The following GNPAT variants were observed in gnomAD, a reference collection of about 807,000 sequenced individuals.
The protein encoded by GNPAT is glyceronephosphate O-acyltransferase, also known as dihydroxyacetone phosphate acyltransferase.
GNPAT carries 30 observed loss-of-function variants against 78.4 expected under a neutral mutation model. That is an observed-to-expected ratio of 0.38 (90% CI 0.29 to 0.52). GNPAT has a LOEUF of 0.52. Ranked by LOEUF, GNPAT falls within the 20% of genes least tolerant of loss-of-function variation. The probability of loss-of-function intolerance (pLI) is 0.84; values close to 1 mark genes in which losing one functional copy is unlikely to be tolerated. For synonymous variants in GNPAT, 271 were observed against 281.1 expected, an observed-to-expected ratio of 0.96 and a Z score of 0.36; for missense variants, 714 against 812.2, an observed-to-expected ratio of 0.88 and a Z score of 1.47.
At position 231,277,645 on chromosome 1, in the gene GNPAT, C is replaced by T; in HGVS notation, c.*103C>T. On this transcript the variant is annotated 3_prime_UTR_variant, in exon 16 of 16. Transcript: ENST00000366647. ...AAAGGAAGAGACACATCCTCTCATA[C>T]TCCCTGAGACTCTGAGAACAGTGGA... The T allele has an allele frequency of 1.3e-6, 1 of 770,820 alleles. No individual in the cohort carries two copies. Among genetic ancestry groups the T allele is most frequent in the Non-Finnish European group, 2.4e-6 (1 of 420,196 alleles). 47.7% of individuals were successfully genotyped at this position (770,820 alleles called of 1,614,324 possible). A position where few individuals can be genotyped will look rare whatever the true frequency, so the allele number is the denominator to read the frequency against.
chr1:231,266,001 C>A lies in GNPAT; in HGVS notation c.773-13C>A. 1 of 1,609,678 alleles carries A rather than the reference C, an allele frequency of 6.2e-7. No homozygotes were observed. Among genetic ancestry groups the A allele is most frequent in the South Asian group, 1.1e-5 (1 of 90,922 alleles). On this transcript the variant is annotated splice_polypyrimidine_tract_variant and intron_variant, in intron 6 of 15. Coordinates refer to ENST00000366647, the MANE Select transcript of GNPAT (RefSeq NM_014236.4). The stretch of plus-strand genomic sequence containing the variant: ...CAATATGTTGATGAAGCATTTCTCC[C>A]TGTGTTTTGCAGGTCTTCTGAATAT...
chr1:231,270,659 G>T, intron 9 of GNPAT, 99 bp from the exon 10 acceptor site: 1 of 1,150,622 alleles, frequency 8.7e-7, no homozygotes, highest in South Asian at 1.2e-5. Flanking sequence ...ACTTGAAAAT[G>T]AGCATCTGTC....
chr1:231,263,582 T>C (rs1263629407), intron 4 of GNPAT, among the ~76,000 whole-genome samples: 1 of 152,218 alleles, frequency 6.6e-6, no homozygotes, highest in East Asian at 1.9e-4. Flanking sequence ...GACCCTGCTT[T>C]CCATTTTTTT....
chr1:231,263,654 T>C (rs980777609), intron 4 of GNPAT, among the ~76,000 whole-genome samples: 2 of 152,184 alleles, frequency 1.3e-5, no homozygotes, highest in Non-Finnish European at 2.9e-5. Flanking sequence ...TTTTTCATTT[T>C]TTGAGGAACC....
Position 231,262,759 on chromosome 1 carries a change from C to A in GNPAT, c.475C>A (p.Leu159Met). 1 of 1,607,328 alleles carries A rather than the reference C, an allele frequency of 6.2e-7. No homozygotes were observed. Among genetic ancestry groups the A allele is most frequent in the Non-Finnish European group, 8.5e-7 (1 of 1,173,822 alleles). Residue 159 changes from leucine to methionine, a missense_variant, in exon 4 of 16, where the codon CTG becomes ATG. Physicochemically the swap from Leu to Met is conservative, Grantham distance 15. Coordinates refer to ENST00000366647, the MANE Select transcript of GNPAT (RefSeq NM_014236.4). ...RAIQEHPVVL[L>M]PSHRSYIDFL... Reference sequence around the variant, plus strand: ...CATCCAGGAGCATCCTGTTGTTCTGCTGCCTAGTCATCGAAGTTACATTGA... The same window carrying A: ...CATCCAGGAGCATCCTGTTGTTCTGATGCCTAGTCATCGAAGTTACATTGA...
intron 11 of GNPAT, 111 bp from the exon 12 acceptor site, chr1:231,273,811 A>G: frequency 1.2e-6 from 1 of 828,490 alleles, no homozygotes; most frequent in Non-Finnish European, 2.1e-6. Context: ...GTGGCTGCAT[A>G]TATTCAGATA....
intron 2 of GNPAT, among the ~76,000 whole-genome samples, chr1:231,259,036 C>G (rs1402263224): frequency 6.6e-6 from 1 of 152,154 alleles, no homozygotes; most frequent in Non-Finnish European, 1.5e-5. Flanking sequence ...TAATTCATAT[C>G]ATCCCTTTAC....
At chr1:231,263,314 A>G (rs917545529) in intron 4 of GNPAT, among the ~76,000 whole-genome samples, 1 of 152,132 alleles carries the variant, frequency 6.6e-6, no homozygotes, top group East Asian at 1.9e-4. Context: ...CCATCTCCAG[A>G]ACTCTTCATC....
intron 1 of GNPAT, among the ~76,000 whole-genome samples, chr1:231,249,441 C>T (rs1684833292): frequency 6.6e-6 from 1 of 152,124 alleles, no homozygotes; most frequent in Non-Finnish European, 1.5e-5. Context: ...CTTCTATTAC[C>T]TCAACATTTC....
chr1:231,272,965 A>G (rs111893858), intron 11 of GNPAT, among the ~76,000 whole-genome samples: 1,768 of 151,782 alleles, frequency 0.012, 41 homozygotes, highest in African/African-American at 0.041. Context: ...CAAGAGGAAG[A>G]CTCCATCTCA....
chr1:231,269,598 C>T (rs116362142), intron 9 of GNPAT, among the ~76,000 whole-genome samples: 1,988 of 152,236 alleles, frequency 0.013, 30 homozygotes, highest in African/African-American at 0.045. Flanking sequence ...GACACCTGTT[C>T]TCAGTGCTGT....
At position 231,256,479 on chromosome 1, in the gene GNPAT, C is replaced by CTTTTTTT. The variant is rs10693276; in HGVS notation, c.262-4009_262-4003dup. The stretch of plus-strand genomic sequence containing the variant: ...CAGTCACTAAGACTGCTAATTTTCT[C>CTTTTTTT]TTTTTTTTTTTTTTTTTTTTTTTTT... On this transcript the variant is annotated intron_variant, in intron 2 of 15. Transcript: ENST00000366647. Among the ~76,000 whole-genome samples, 115 of 75,900 alleles carry CTTTTTTT rather than the reference C, an allele frequency of 1.5e-3. 8 individuals carry two copies. Among genetic ancestry groups the CTTTTTTT allele is most frequent in the Non-Finnish European group, 1.7e-3 (74 of 43,434 alleles). 49.8% of individuals were successfully genotyped at this position (75,900 alleles called of 152,430 possible). A position where few individuals can be genotyped will look rare whatever the true frequency, so the allele number is the denominator to read the frequency against.
At chr1:231,258,621 A>ATTTT (rs1278102321) in intron 2 of GNPAT, among the ~76,000 whole-genome samples, 2 of 90,090 alleles carry the variant, frequency 2.2e-5, no homozygotes, top group Admixed American at 1.2e-4. Flanking sequence ...ATTTTAATGC[A>ATTTT]ATTTTTTTTT....
chr1:231,276,173 C>CAACCAAATT lies in GNPAT; in HGVS notation c.1978_1986dup (p.Thr660_Leu662dup), dbSNP rs768397455. ...ATATTTAATGTGAATGAACCTGCCA[C>CAACCAAATT]AACCAAATTAGAAGAAATGCTTGGT... is the stretch of plus-strand genomic sequence containing the variant. On this transcript the variant is annotated inframe_insertion, in exon 15 of 16. Transcript: ENST00000366647. 18 of 1,428,574 alleles carry CAACCAAATT rather than the reference C, an allele frequency of 1.3e-5. No homozygotes were observed. Among genetic ancestry groups the CAACCAAATT allele is most frequent in the Non-Finnish European group, 1.8e-5 (18 of 1,012,420 alleles). 88.5% of individuals were successfully genotyped at this position (1,428,574 alleles called of 1,614,324 possible).
In GNPAT at chr1:231,265,689, TTTTG is replaced by T. The variant is rs1185894514; in HGVS notation, c.697-15_697-12del. The T allele has an allele frequency of 4.8e-6, 7 of 1,445,086 alleles. No homozygotes were observed. Among genetic ancestry groups the T allele is most frequent in the Non-Finnish European group, 6.8e-6 (7 of 1,025,790 alleles). 89.5% of individuals were successfully genotyped at this position (1,445,086 alleles called of 1,614,324 possible). ...TTGAGAGTAGGCAATGGGTTTTGTG[TTTTG>T]TTTGTTTTCTCTTTAAAGAATGGTT... On this transcript the variant is annotated intron_variant, in intron 5 of 15. Transcript: ENST00000366647.
At position 231,266,378 on chromosome 1, in the gene GNPAT, G is replaced by A; in HGVS notation, c.1026G>A (p.Met342Ile). ...TTCGATCTTTGGCAGCTGGGAGGAT[G>A]AGTCGGAGCTCATATAACTTGGTTC... Reference protein sequence around the residue: ...VSLRSLAAGRMSRSSYNLVPR... With the variant: ...VSLRSLAAGRISRSSYNLVPR... The change falls in exon 8 of 16, where the codon ATG becomes ATA. Residue 342 changes from methionine (M) to isoleucine (I), a missense_variant. Transcript: ENST00000366647. The A allele has an allele frequency of 1.2e-6, 2 of 1,614,000 alleles. No homozygotes were observed. Among genetic ancestry groups the A allele is most frequent in the Non-Finnish European group, 1.7e-6 (2 of 1,179,866 alleles).
chr1:231,260,280 T>C (rs1389748643), intron 2 of GNPAT, among the ~76,000 whole-genome samples: 1 of 152,222 alleles, frequency 6.6e-6, no homozygotes, highest in African/African-American at 2.4e-5. Flanking sequence ...CACTCTAAAA[T>C]GCTATCCTAG....
At position 231,277,502 on chromosome 1, in the gene GNPAT, G is replaced by C; in HGVS notation, c.2003G>C (p.Cys668Ser). The change falls in exon 16 of 16, where the codon TGT (cysteine) becomes TCT (serine). Residue 668 changes from cysteine (C) to serine (S), a missense_variant. Cys to Ser is a moderately radical substitution (Grantham distance 112). Coordinates refer to ENST00000366647, the MANE Select transcript of GNPAT (RefSeq NM_014236.4). ...TGCTTCTCTTTTTTCATCTTAGGTT[G>C]TAAGACACCAATAGGAAAACCAGCC... ...ATTKLEEMLG[C>S]KTPIGKPATA... is the part of the protein sequence containing the mutation. 1 of 1,587,776 alleles carries C rather than the reference G, an allele frequency of 6.3e-7. No homozygotes were observed. The highest frequency in any genetic ancestry group is 8.7e-7 in the Non-Finnish European group (1 of 1,156,006).
Position 231,241,218 on chromosome 1 carries a change from T to C in GNPAT, c.-161T>C. 1.3e-6 allele frequency: 2 copies of C among 1,521,958 alleles called. No individual in the cohort carries two copies. The highest frequency in any genetic ancestry group is 1.8e-6 in the Non-Finnish European group (2 of 1,100,752). The allele number at this position is 1,521,958 out of a possible 1,614,324, so 94.3% of individuals were successfully genotyped here. On this transcript the variant is annotated 5_prime_UTR_variant, in exon 1 of 16. Coordinates refer to ENST00000366647, the MANE Select transcript of GNPAT (RefSeq NM_014236.4). ...GCAGGGCCCTGCGCGGCTTCCGTCC[T>C]GGCTGAGATGGCGGCGCCCGGGATC...
Sources: gnomAD v4.1 joint callset for allele counts (sites outside exome capture counted in the v4.1 genomes callset) on GRCh38, gnomAD v4.1.1 for gene constraint, MANE v1.5 for transcripts, NCBI Gene and HGNC (gene_info 2026-07-23, HGNC 2026-07-21) for gene names.